KLRD1: variants seen among roughly 807,000 people sequenced by gnomAD.
KLRD1 encodes killer cell lectin like receptor D1.
In KLRD1, 21 loss-of-function variants were observed where a neutral mutation model predicts 22.6. That is an observed-to-expected ratio of 0.93 (90% CI 0.66 to 1.34). The LOEUF (loss-of-function observed/expected upper bound fraction) is 1.34. Ranked by LOEUF, KLRD1 falls within the 40% of genes most tolerant of loss-of-function variation. The pLI is 0.00. For missense variants in KLRD1, 183 were observed against 208.6 expected (o/e 0.88, Z 0.76); for synonymous variants, 59 against 71.1 (o/e 0.83, Z 0.85).
chr12:10,247,668 A>G (rs1358027425), intron 1 of KLRD1, among the ~76,000 whole-genome samples: 1 of 152,084 alleles, frequency 6.6e-6, no homozygotes, highest in Admixed American at 6.5e-5. Context: ...CCTAATCCCC[A>G]CATGTCATGG....
chr12:10,254,350 C>A (rs1250724597), intron 1 of KLRD1, among the ~76,000 whole-genome samples: 1 of 149,526 alleles, frequency 6.7e-6, no homozygotes, highest in Non-Finnish European at 1.5e-5. Flanking sequence ...ATGGCGTGAA[C>A]CCGGGAGGCG....
At chr12:10,272,514 A>G (rs934647868) in intron 1 of KLRD1, among the ~76,000 whole-genome samples, 4 of 152,206 alleles carry the variant, frequency 2.6e-5, no homozygotes, top group African/African-American at 7.2e-5. Context: ...TGATTTAGCA[A>G]TAACAGCAGA....
chr12:10,263,712 T>C lies in KLRD1; in HGVS notation c.-101+37479T>C, dbSNP rs143531255. 7.9e-5 allele frequency among the ~76,000 whole-genome samples: 12 copies of C among 152,224 alleles called. No individual in the cohort carries two copies. The East Asian group carries it at 2.3e-3, about 29-fold the overall frequency. ...CCATGATTTTAAGTTATCTGAACCA[T>C]GTTATTCCAGCTTGAGTACCAGATG... On this transcript the variant is annotated intron_variant, in intron 1 of 5. Coordinates refer to the KLRD1 transcript ENST00000544747.
intron 1 of KLRD1, among the ~76,000 whole-genome samples, chr12:10,242,071 G>GTTTTTTTTTTTTTTT (rs72326980): frequency 2.0e-5 from 2 of 99,392 alleles, no homozygotes; most frequent in Non-Finnish European, 3.7e-5. Flanking sequence ...TGTTCTTGCT[G>GTTTTTTTTTTTTTTT]TTTTTTTTTT....
rs1382354331 is a variant in KLRD1, at chr12:10,309,691, A to G, written c.163+3A>G. 1 of 1,609,600 alleles carries G rather than the reference A, an allele frequency of 6.2e-7. No homozygotes were observed. Among genetic ancestry groups the G allele is most frequent in the East Asian group, 2.2e-5 (1 of 44,800 alleles). On this transcript the variant is annotated splice_donor_region_variant and intron_variant, in intron 3 of 5. Transcript: ENST00000336164. Reference sequence around the variant, plus strand: ...ACCCAACATAGAACTCCAGAAAGGTAGGTCACATTTTTTGGAAAACTTAGC... The same window carrying G: ...ACCCAACATAGAACTCCAGAAAGGTGGGTCACATTTTTTGGAAAACTTAGC...
intron 1 of KLRD1, among the ~76,000 whole-genome samples, chr12:10,242,785 T>C (rs1949253683): frequency 6.6e-6 from 1 of 152,146 alleles, no homozygotes. Context: ...TGCATCTCCC[T>C]GATGATTAGT....
At chr12:10,312,679 C>T (rs1278399922) in intron 4 of KLRD1, among the ~76,000 whole-genome samples, 4 of 151,266 alleles carry the variant, frequency 2.6e-5, no homozygotes, top group Admixed American at 6.6e-5. Flanking sequence ...TGCCCGGCCC[C>T]TAATTACCCA....
At chr12:10,247,020 C>T (rs1448642222) in intron 1 of KLRD1, among the ~76,000 whole-genome samples, 1 of 150,214 alleles carries the variant, frequency 6.7e-6, no homozygotes, top group Non-Finnish European at 1.5e-5. Flanking sequence ...GCAACCTCCG[C>T]CTCCTGGGTT....
intron 1 of KLRD1, among the ~76,000 whole-genome samples, chr12:10,259,266 A>G (rs933630740): frequency 1.3e-5 from 2 of 152,194 alleles, no homozygotes; most frequent in Admixed American, 6.5e-5. Context: ...GTGATTGACA[A>G]TTACTCCATC....
chr12:10,252,875 G>A (rs1290552757), intron 1 of KLRD1, among the ~76,000 whole-genome samples: 4 of 151,230 alleles, frequency 2.6e-5, no homozygotes, highest in African/African-American at 9.8e-5. Context: ...AGTGGTGTGA[G>A]TTGTGACTTG....
In KLRD1 at chr12:10,264,129, C is replaced by T. The variant is rs117247210; in HGVS notation, c.-101+37896C>T. ...AATATTCTTGTTTATTTAGCATTTC[C>T]TCCTCTATTTCTGTCATATATTTGA... On this transcript the variant is annotated intron_variant, in intron 1 of 5. Coordinates refer to the KLRD1 transcript ENST00000544747. Among the ~76,000 whole-genome samples, 890 of 152,124 alleles carry T rather than the reference C, an allele frequency of 5.9e-3. 6 individuals are homozygous for T. The highest frequency in any genetic ancestry group is 9.5e-3 in the Non-Finnish European group (647 of 67,914).
rs1950291332 is a variant in KLRD1, at chr12:10,319,573, G to A, written c.*4780G>A. 1 of 152,154 alleles carries A rather than the reference G, an allele frequency of 6.6e-6. No homozygotes were observed. Among genetic ancestry groups the A allele is most frequent in the African/African-American group, 2.4e-5 (1 of 41,428 alleles). The allele number at this position is 152,154 out of a possible 1,614,324, so 9.4% of individuals were successfully genotyped here. On this transcript the variant is annotated 3_prime_UTR_variant, in exon 6 of 6. Coordinates refer to ENST00000336164, the MANE Select transcript of KLRD1 (RefSeq NM_002262.5). ...TCCTCTCTCCCAGATTACTTGATCTGGGGAAAACCAGTTATAATGTCATGA... is the reference window on the plus strand; with the variant it reads ...TCCTCTCTCCCAGATTACTTGATCTAGGGAAAACCAGTTATAATGTCATGA...
At chr12:10,311,413 A>C (rs765818554) in intron 3 of KLRD1, 51 bp from the exon 4 acceptor site, 2 of 1,547,684 alleles carry the variant, frequency 1.3e-6, no homozygotes, top group Non-Finnish European at 1.8e-6. Flanking sequence ...TAGCATTGAA[A>C]AAAATGTCTA....
chr12:10,284,147 G>A (rs1005887689), intron 1 of KLRD1, among the ~76,000 whole-genome samples: 2 of 151,966 alleles, frequency 1.3e-5, no homozygotes, highest in Non-Finnish European at 2.9e-5. Context: ...GATCGCACCA[G>A]TGCACTCCAG....
chr12:10,293,070 A>C lies in KLRD1; in HGVS notation c.-100-14908A>C, dbSNP rs574547882. ...TTCTCACCTCTCACAGCCTTCATAG[A>C]ATTGAAGAGTTAGCGCCTTAGGCTT... On this transcript the variant is annotated intron_variant, in intron 1 of 5. Coordinates refer to the KLRD1 transcript ENST00000544747. Among the ~76,000 whole-genome samples the C allele has an allele frequency of 2.1e-5, 3 of 144,860 alleles. 1 individual carries two copies. The South Asian group carries it at 6.8e-4, about 33-fold the overall frequency.
chr12:10,265,381 T>C (rs1402223493), intron 1 of KLRD1, among the ~76,000 whole-genome samples: 3 of 152,228 alleles, frequency 2.0e-5, no homozygotes, highest in Non-Finnish European at 4.4e-5. Context: ...GCTATATCCC[T>C]ACCTCTTTTG....
At chr12:10,302,928 C>T (rs1192316452), upstream of KLRD1, among the ~76,000 whole-genome samples, 3 of 152,168 alleles carry the variant, frequency 2.0e-5, no homozygotes, top group Non-Finnish European at 4.4e-5. Flanking sequence ...ATCCTAACCT[C>T]GTGACCTTTT....
chr12:10,326,268 C>A lies in KLRD1; in HGVS notation c.*11475C>A, dbSNP rs1950361155. 6.6e-6 allele frequency: 1 copy of A among 152,088 alleles called. No homozygotes were observed. The highest frequency in any genetic ancestry group is 1.9e-4 in the East Asian group (1 of 5,194). The allele number at this position is 152,088 out of a possible 1,614,324, so 9.4% of individuals were successfully genotyped here. On this transcript the variant is annotated 3_prime_UTR_variant, in exon 6 of 6. Transcript: ENST00000336164. ...TCTCCCATTCTGTAGATCATCCTTT[C>A]ATTCCATTGGTTATTTCCTTTGTGA...
intron 1 of KLRD1, among the ~76,000 whole-genome samples, chr12:10,284,106 G>A (rs748689173): frequency 5.2e-4 from 79 of 151,900 alleles, no homozygotes; most frequent in Admixed American, 1.8e-3. Flanking sequence ...AGAATCACCT[G>A]AACTGGGAGG....
Sources: allele counts gnomAD v4.1 joint callset (sites outside exome capture counted in the v4.1 genomes callset), GRCh38; gene constraint gnomAD v4.1.1; transcripts MANE v1.5; gene names NCBI Gene and HGNC (gene_info 2026-07-23, HGNC 2026-07-21).